Variants in CAP2 observed in about 807,000 individuals in gnomAD.
The protein encoded by CAP2 is adenylyl cyclase-associated protein 2.
In CAP2, 24 loss-of-function variants were observed where a neutral mutation model predicts 57.7. The observed-to-expected ratio is 0.42, with a 90% confidence interval of 0.30 to 0.58. CAP2 has a LOEUF of 0.58. Ranked by LOEUF, CAP2 falls within the 20% of genes least tolerant of loss-of-function variation. CAP2 has a pLI of 0.22. For synonymous variants in CAP2, 194 were observed against 207.2 expected, an observed-to-expected ratio of 0.94 and a Z score of 0.55; for missense variants, 501 against 590.3, an observed-to-expected ratio of 0.85 and a Z score of 1.57.
chr6:17,529,572 C>T (rs1475462101), intron 7 of CAP2, among the ~76,000 whole-genome samples: 4 of 148,684 alleles, frequency 2.7e-5, no homozygotes, highest in Admixed American at 6.8e-5. Flanking sequence ...ACCTGGGAGG[C>T]GGAGCTTGCA....
At chr6:17,396,417 G>A (rs1420469146) in intron 1 of CAP2, among the ~76,000 whole-genome samples, 1 of 152,198 alleles carries the variant, frequency 6.6e-6, no homozygotes, top group Non-Finnish European at 1.5e-5. Flanking sequence ...CAGTTGATGA[G>A]TGGATAAATA....
chr6:17,539,151 C>G (rs984056623), intron 7 of CAP2, 118 bp from the exon 8 acceptor site: 21 of 908,130 alleles, frequency 2.3e-5, no homozygotes, highest in Non-Finnish European at 3.6e-5. Flanking sequence ...CTCTGGGAGC[C>G]TTTGCTCAGG....
At chr6:17,549,973 T>C (rs966312630) in intron 11 of CAP2, among the ~76,000 whole-genome samples, 3 of 152,220 alleles carry the variant, frequency 2.0e-5, no homozygotes, top group Non-Finnish European at 4.4e-5. Flanking sequence ...TGCAATATCA[T>C]TCATAATGGC....
At chr6:17,503,656 C>T (rs564843164) in intron 4 of CAP2, among the ~76,000 whole-genome samples, 2 of 151,594 alleles carry the variant, frequency 1.3e-5, no homozygotes, top group South Asian at 4.2e-4. Flanking sequence ...GAAGCCCACC[C>T]TAATGACCTC....
intron 3 of CAP2, among the ~76,000 whole-genome samples, chr6:17,457,657 A>G (rs1289428030): frequency 6.6e-6 from 1 of 152,226 alleles, no homozygotes; most frequent in Admixed American, 6.5e-5. Context: ...AGATATCTCA[A>G]TATTGGGCCA....
At chr6:17,432,979 T>C (rs1292855858) in intron 3 of CAP2, among the ~76,000 whole-genome samples, 3 of 112,820 alleles carry the variant, frequency 2.7e-5, no homozygotes, top group African/African-American at 6.8e-5. Flanking sequence ...TCCCTCCCTC[T>C]CTCCCTTCCA....
intron 11 of CAP2, among the ~76,000 whole-genome samples, chr6:17,550,459 A>G (rs1763144570): frequency 9.8e-6 from 1 of 101,602 alleles, no homozygotes; most frequent in South Asian, 3.5e-4. Flanking sequence ...TTCAGTTTCT[A>G]TGGAGAGAGA....
At chr6:17,462,064 C>G (rs549525095) in intron 3 of CAP2, among the ~76,000 whole-genome samples, 2 of 128,534 alleles carry the variant, frequency 1.6e-5, no homozygotes, top group Non-Finnish European at 3.6e-5. Flanking sequence ...AAAAAACCCA[C>G]AAAAATTAAC....
chr6:17,432,794 C>A (rs557990887), intron 3 of CAP2, among the ~76,000 whole-genome samples: 2 of 150,930 alleles, frequency 1.3e-5, no homozygotes, highest in South Asian at 2.1e-4. Context: ...CTTTCTTTTC[C>A]TTTCTTTCCA....
chr6:17,483,689 A>G (rs1241760038), intron 4 of CAP2, among the ~76,000 whole-genome samples: 1 of 152,180 alleles, frequency 6.6e-6, no homozygotes, highest in Non-Finnish European at 1.5e-5. Flanking sequence ...GAATTCTCAC[A>G]TGCCCAGCTC....
At chr6:17,499,516 AC>A (rs2113646297) in intron 4 of CAP2, among the ~76,000 whole-genome samples, 1 of 152,156 alleles carries the variant, frequency 6.6e-6, no homozygotes, top group East Asian at 1.9e-4. Context: ...AGACCAAGTC[AC>A]CAGGTTTTAT....
rs141031599 is a variant in CAP2, at chr6:17,414,308, G to T, written c.-1-7247G>T. ...CTTAAAAAAAACACTTTAAAAAATG[G>T]GATACATGTGCAGAACATGCAGGTT... On this transcript the variant is annotated intron_variant, in intron 1 of 12. Transcript: ENST00000229922. Among the ~76,000 whole-genome samples the T allele has an allele frequency of 1.9e-3, 292 of 151,704 alleles. 7 individuals carry two copies. Among genetic ancestry groups the T allele is most frequent in the African/African-American group, 6.7e-3 (277 of 41,344 alleles).
chr6:17,399,903 A>G (rs1273698350), intron 1 of CAP2, among the ~76,000 whole-genome samples: 2 of 152,168 alleles, frequency 1.3e-5, no homozygotes, highest in Non-Finnish European at 2.9e-5. Context: ...TTCCTGGGGA[A>G]GTTAGATGCT....
intron 11 of CAP2, among the ~76,000 whole-genome samples, chr6:17,547,034 A>G (rs1763063679): frequency 6.6e-6 from 1 of 152,202 alleles, no homozygotes; most frequent in South Asian, 2.1e-4. Flanking sequence ...TTATACACCA[A>G]TAACAGACAA....
rs918426020 is a variant in CAP2, at chr6:17,463,143, A to G, written c.300+70A>G. The G allele has an allele frequency of 2.2e-5, 24 of 1,091,140 alleles. No individual in the cohort carries two copies. The South Asian group carries it at 2.8e-4, about 13-fold the overall frequency. The allele number at this position is 1,091,140 out of a possible 1,614,324, so 67.6% of individuals were successfully genotyped here. On this transcript the variant is annotated intron_variant, in intron 4 of 12. Transcript: ENST00000229922. ...GTGTAAGATGGAAAACAAGGAGGCAACAGAAGCATTTATTATAGTCGACCT... is the reference window on the plus strand; with the variant it reads ...GTGTAAGATGGAAAACAAGGAGGCAGCAGAAGCATTTATTATAGTCGACCT...
At chr6:17,463,191 C>T (rs1008247134) in intron 4 of CAP2, 118 bp downstream of exon 4, 45 of 682,764 alleles carry the variant, frequency 6.6e-5, no homozygotes, top group Non-Finnish European at 1.1e-4. Flanking sequence ...ACTTACAGCA[C>T]GTGTATGTTC....
chr6:17,483,625 G>A (rs890126044), intron 4 of CAP2, among the ~76,000 whole-genome samples: 13 of 152,186 alleles, frequency 8.5e-5, no homozygotes, highest in Admixed American at 7.9e-4. Context: ...CTAAAGGAAA[G>A]GTATGAAAGA....
chr6:17,511,708 C>A (rs960087455), intron 6 of CAP2, among the ~76,000 whole-genome samples: 3 of 152,156 alleles, frequency 2.0e-5, no homozygotes, highest in Non-Finnish European at 4.4e-5. Flanking sequence ...CTCACCTTGG[C>A]CTCCGAAAGT....
intron 1 of CAP2, among the ~76,000 whole-genome samples, chr6:17,394,649 A>C (rs1201085611): frequency 6.6e-6 from 1 of 152,218 alleles, no homozygotes; most frequent in South Asian, 2.1e-4. Flanking sequence ...GGACTTGAGC[A>C]CTGTAGTTTA....
Sources: gnomAD v4.1 joint callset for allele counts (sites outside exome capture counted in the v4.1 genomes callset) on GRCh38, gnomAD v4.1.1 for gene constraint, MANE v1.5 for transcripts, NCBI Gene and HGNC (gene_info 2026-07-23, HGNC 2026-07-21) for gene names.